The following FHIT variants were observed in gnomAD, a reference collection of about 807,000 sequenced individuals.
FHIT encodes the protein bis(5'-adenosyl)-triphosphatase.
FHIT carries 19 observed loss-of-function variants against 17.9 expected under a neutral mutation model. That is an observed-to-expected ratio of 1.06 (90% CI 0.74 to 1.56). The LOEUF is 1.56. Among genes scored for constraint, FHIT ranks in the 40% most tolerant of loss-of-function variants. The pLI, the probability that FHIT is intolerant of heterozygous loss-of-function variation, is 0.00. For missense variants in FHIT, 248 were observed against 189.2 expected, an observed-to-expected ratio of 1.31 and a Z score of -1.82; for synonymous variants, 81 against 69.7, an observed-to-expected ratio of 1.16 and a Z score of -0.81.
At chr3:60,173,915 A>ATATATATATATATATTTTTTTTTTTTTT in intron 5 of FHIT, among the ~76,000 whole-genome samples, 2 of 66,428 alleles carry the variant, frequency 3.0e-5, no homozygotes, top group Non-Finnish European at 5.5e-5. Flanking sequence ...ATATATATAT[A>ATATATATATATATATTTTTTTTTTTTTT]TGTTTTTTTT....
At chr3:60,786,736 T>C (rs1700589544) in intron 4 of FHIT, among the ~76,000 whole-genome samples, 1 of 152,232 alleles carries the variant, frequency 6.6e-6, no homozygotes, top group Non-Finnish European at 1.5e-5. Context: ...TTTTCATCTT[T>C]GTATTTCACC....
chr3:60,221,911 C>T (rs990027708), intron 5 of FHIT, among the ~76,000 whole-genome samples: 3 of 151,296 alleles, frequency 2.0e-5, no homozygotes, highest in Admixed American at 2.0e-4. Flanking sequence ...GTTGTTTTTT[C>T]AGCATGATTT....
chr3:61,158,600 C>T (rs2037598916), intron 2 of FHIT, among the ~76,000 whole-genome samples: 1 of 151,612 alleles, frequency 6.6e-6, no homozygotes, highest in Non-Finnish European at 1.5e-5. Flanking sequence ...CTGGCAGAGT[C>T]CTCACATGCT....
chr3:60,414,003 A>G (rs1222666151), intron 5 of FHIT, among the ~76,000 whole-genome samples: 1 of 152,222 alleles, frequency 6.6e-6, no homozygotes, highest in African/African-American at 2.4e-5. Flanking sequence ...ATAACTATGT[A>G]ACTACAAATT....
intron 5 of FHIT, among the ~76,000 whole-genome samples, chr3:60,142,802 G>A (rs1700095955): frequency 6.6e-6 from 1 of 151,538 alleles, no homozygotes; most frequent in Non-Finnish European, 1.5e-5. Flanking sequence ...AGGATCACAG[G>A]CTCAGCCACT....
chr3:60,306,039 A>G (rs1037462277), intron 5 of FHIT, among the ~76,000 whole-genome samples: 1 of 152,162 alleles, frequency 6.6e-6, no homozygotes, highest in Non-Finnish European at 1.5e-5. Flanking sequence ...TGACTATACA[A>G]TTTAAACCAT....
chr3:59,826,228 C>T (rs965546220), intron 8 of FHIT, among the ~76,000 whole-genome samples: 8 of 152,138 alleles, frequency 5.3e-5, no homozygotes, highest in Non-Finnish European at 8.8e-5. Flanking sequence ...GGTGATTCTC[C>T]CACCTCAGCC....
chr3:61,177,084 G>A (rs1274629538), intron 2 of FHIT, among the ~76,000 whole-genome samples: 1 of 152,012 alleles, frequency 6.6e-6, no homozygotes. Flanking sequence ...GGCTGAGGCA[G>A]GAGAATGGTG....
chr3:60,843,408 C>A (rs1298317611), intron 3 of FHIT, among the ~76,000 whole-genome samples: 1 of 152,122 alleles, frequency 6.6e-6, no homozygotes, highest in Non-Finnish European at 1.5e-5. Flanking sequence ...GAGACTTCCA[C>A]CACTATAAAT....
intron 5 of FHIT, among the ~76,000 whole-genome samples, chr3:60,229,425 A>G (rs930254587): frequency 8.1e-5 from 11 of 135,272 alleles, no homozygotes; most frequent in African/African-American, 3.2e-4. Context: ...CATCAAAAAG[A>G]AAAAAAAAAA....
intron 7 of FHIT, among the ~76,000 whole-genome samples, chr3:59,931,973 G>GC (rs1705994139): frequency 7.6e-6 from 1 of 131,576 alleles, no homozygotes; most frequent in East Asian, 2.4e-4. Context: ...ATCTTTTCAA[G>GC]TAAAAAAAAA....
intron 5 of FHIT, among the ~76,000 whole-genome samples, chr3:60,501,448 C>T (rs13098699): frequency 0.081 from 12,353 of 152,222 alleles, 679 homozygotes; most frequent in South Asian, 0.2. Flanking sequence ...TACGCCAGCT[C>T]TTCCAATTAT....
intron 5 of FHIT, among the ~76,000 whole-genome samples, chr3:60,212,310 T>C (rs1426368230): frequency 6.6e-6 from 1 of 152,148 alleles, no homozygotes; most frequent in African/African-American, 2.4e-5. Flanking sequence ...CATAGGGACA[T>C]GCAGCCAGGA....
intron 4 of FHIT, among the ~76,000 whole-genome samples, chr3:60,810,127 T>C (rs1701528917): frequency 6.6e-6 from 1 of 152,184 alleles, no homozygotes; most frequent in Admixed American, 6.5e-5. Context: ...TGTGTCAGCC[T>C]CAACACACCC....
intron 3 of FHIT, among the ~76,000 whole-genome samples, chr3:60,950,606 T>C (rs556777035): frequency 2.0e-5 from 3 of 151,880 alleles, no homozygotes; most frequent in Non-Finnish European, 4.4e-5. Context: ...AACCTCCGCC[T>C]CCTGGGTTCA....
At chr3:60,450,970 T>C (rs1371264374) in intron 5 of FHIT, among the ~76,000 whole-genome samples, 1 of 152,150 alleles carries the variant, frequency 6.6e-6, no homozygotes, top group African/African-American at 2.4e-5. Flanking sequence ...TCTTAATTAA[T>C]TGCTTTCAAT....
At chr3:60,564,898 A>G (rs921490283) in intron 4 of FHIT, among the ~76,000 whole-genome samples, 3 of 152,314 alleles carry the variant, frequency 2.0e-5, no homozygotes, top group African/African-American at 7.2e-5. Context: ...CTAATTTTAA[A>G]ATAAGTTCTA....
At chr3:60,343,888 G>C (rs144750000) in intron 5 of FHIT, among the ~76,000 whole-genome samples, 45 of 152,252 alleles carry the variant, frequency 3.0e-4, no homozygotes, top group African/African-American at 1.1e-3. Context: ...GCATGCTTTT[G>C]GTGGCTCATG....
At chr3:60,230,827 G>C (rs1168300827) in intron 5 of FHIT, among the ~76,000 whole-genome samples, 4 of 152,164 alleles carry the variant, frequency 2.6e-5, no homozygotes, top group East Asian at 1.9e-4. Context: ...TCTCCTGCCT[G>C]AGCCTCCTAA....
Sources: allele counts gnomAD v4.1 joint callset (sites outside exome capture counted in the v4.1 genomes callset), GRCh38; gene constraint gnomAD v4.1.1; transcripts MANE v1.5; gene names NCBI Gene and HGNC (gene_info 2026-07-23, HGNC 2026-07-21).